Variants in RUBCNL observed in about 807,000 individuals in gnomAD.
RUBCNL encodes protein associated with UVRAG as autophagy enhancer.
RUBCNL carries 62 observed loss-of-function variants against 69.5 expected under a neutral mutation model. The observed-to-expected ratio is 0.89, with a 90% CI of 0.73 to 1.10. The LOEUF is 1.10. RUBCNL is among the 50% of genes least tolerant of loss of function. RUBCNL has a pLI of 0.00. For synonymous variants in RUBCNL, 291 were observed against 303.6 expected, an observed-to-expected ratio of 0.96 and a Z score of 0.43; for missense variants, 768 against 798.1, an observed-to-expected ratio of 0.96 and a Z score of 0.45.
rs1566533019 is a variant in RUBCNL at position 46,335,264 on chromosome 13, T to TG, written c.*8120_*8121insC. ...CTTTTTGTTGTTGTTGTTGTTGTTT[T>TG]TTTTTTTTTTTTTTTTTTTTTAAGA... is the stretch of plus-strand genomic sequence containing the variant. On this transcript the variant is annotated 3_prime_UTR_variant, in exon 15 of 15. Transcript: ENST00000429979. Among the ~76,000 whole-genome samples, 257 of 136,968 alleles carry TG rather than the reference T, an allele frequency of 1.9e-3. 1 individual carries two copies. The highest frequency in any genetic ancestry group is 3.3e-3 in the South Asian group (14 of 4,232). The allele number at this position is 136,968 out of a possible 152,430, so 89.9% of individuals were successfully genotyped here.
At chr13:46,354,956 A>G (rs1246191677) in intron 10 of RUBCNL, 2 of 403,806 alleles carry the variant, frequency 5.0e-6, no homozygotes, top group Admixed American at 2.8e-5. Context: ...GCCAGGATAC[A>G]GTGGTTAACC....
intron 2 of RUBCNL, among the ~76,000 whole-genome samples, chr13:46,376,806 C>A (rs889176975): frequency 6.6e-6 from 1 of 152,220 alleles, no homozygotes; most frequent in Non-Finnish European, 1.5e-5. Context: ...TTTGTATACA[C>A]ATCCATGGGA....
intron 5 of RUBCNL, 42 bp downstream of exon 5, chr13:46,368,000 G>T: frequency 6.3e-7 from 1 of 1,575,102 alleles, no homozygotes; most frequent in South Asian, 1.1e-5. Context: ...AGATATATGT[G>T]AAACACATAA....
rs1317286474 is a variant in RUBCNL, at chr13:46,339,817, C to G, written c.*3568G>C. Among the ~76,000 whole-genome samples the G allele has an allele frequency of 6.6e-6, 1 of 152,074 alleles. No individual in the cohort carries two copies. Among genetic ancestry groups the G allele is most frequent in the African/African-American group, 2.4e-5 (1 of 41,404 alleles). ...GAGGTTGAAGTGAGCTGAGATCGCA[C>G]CACTGCACTATAGCCTGGGTGACAG... On this transcript the variant is annotated 3_prime_UTR_variant, in exon 15 of 15. Transcript: ENST00000429979.
At chr13:46,387,319 C>A (rs1274582764), upstream of RUBCNL, 3 of 985,544 alleles carry the variant, frequency 3.0e-6, no homozygotes, top group Non-Finnish European at 3.6e-6. Flanking sequence ...GCCTCCCACA[C>A]GGGGGCCACC....
rs548743154 is a variant in RUBCNL at position 46,335,070 on chromosome 13, CT to C, written c.*8314del. 5.2e-3 allele frequency among the ~76,000 whole-genome samples: 742 copies of C among 143,734 alleles called. 1 individual carries two copies. The highest frequency in any genetic ancestry group is 7.5e-3 in the Admixed American group (108 of 14,352). The allele number at this position is 143,734 out of a possible 152,430, so 94.3% of individuals were successfully genotyped here. ...AACCTACTTGGGTAAAGAATTTGGA[CT>C]TTTTTTTTTTTGAGATGGGGTCTCA... On this transcript the variant is annotated 3_prime_UTR_variant, in exon 15 of 15. Coordinates refer to ENST00000429979, the MANE Select transcript of RUBCNL (RefSeq NM_025113.5).
At chr13:46,356,892 C>CTT (rs767789330) in intron 9 of RUBCNL, among the ~76,000 whole-genome samples, 7 of 135,052 alleles carry the variant, frequency 5.2e-5, no homozygotes, top group African/African-American at 1.6e-4. Context: ...GCTTTATTTA[C>CTT]TTTTTTTTTT....
rs1423196105 is a variant in RUBCNL at position 46,350,329 on chromosome 13, G to C, written c.1353C>G (p.Tyr451Ter). Residue 451 changes from tyrosine (Y) to a stop codon, truncating the protein, a stop_gained, in exon 11 of 15, where the codon TAC (tyrosine) becomes TAG (stop). Coordinates refer to ENST00000429979, the MANE Select transcript of RUBCNL (RefSeq NM_025113.5). LOFTEE classifies it high-confidence loss of function. ...AGAAATACTTCCCTAGGTATTCGCA[G>C]TACCGGAGCCGCTTCACAAACTCTG... ...VEPKFVKRLRYCEYLGKYFCD... is the reference protein window; with the variant it reads ...VEPKFVKRLR The C allele has an allele frequency of 1.3e-6, 2 of 1,550,742 alleles. No homozygotes were observed. The highest frequency in any genetic ancestry group is 1.7e-6 in the Non-Finnish European group (2 of 1,144,090).
At chr13:46,379,725 A>AAG (rs1759336472) in intron 1 of RUBCNL, among the ~76,000 whole-genome samples, 1 of 152,242 alleles carries the variant, frequency 6.6e-6, no homozygotes, top group Admixed American at 6.5e-5. Context: ...GTTACTAAGC[A>AAG]CAGCCAGTAA....
intron 3 of RUBCNL, among the ~76,000 whole-genome samples, chr13:46,370,334 A>G (rs2048850536): frequency 6.6e-6 from 1 of 152,250 alleles, no homozygotes; most frequent in Non-Finnish European, 1.5e-5. Flanking sequence ...AAATGCTTAC[A>G]GAGGCCGATA....
upstream of RUBCNL, among the ~76,000 whole-genome samples, chr13:46,389,100 A>AT (rs2049306758): frequency 6.6e-6 from 1 of 152,198 alleles, no homozygotes; most frequent in South Asian, 2.1e-4. This position sits in a 1 kb window ranked among gnomAD's most constrained non-coding sequence, Gnocchi z 4.2. Flanking sequence ...GTGTGCTAAC[A>AT]TTTTTTGAGT....
chr13:46,381,833 C>T (rs1306310385), intron 1 of RUBCNL, among the ~76,000 whole-genome samples: 2 of 152,136 alleles, frequency 1.3e-5, no homozygotes, highest in East Asian at 1.9e-4. Flanking sequence ...CTGCCCGCCT[C>T]GGCCTCTGTT....
chr13:46,371,652 T>C (rs753824878), intron 3 of RUBCNL, among the ~76,000 whole-genome samples: 6 of 152,210 alleles, frequency 3.9e-5, no homozygotes, highest in Non-Finnish European at 7.3e-5. Context: ...CTCTCCCCTG[T>C]AGACAATTTA....
At chr13:46,379,074 G>A (rs757247156) in intron 1 of RUBCNL, among the ~76,000 whole-genome samples, 2 of 151,990 alleles carry the variant, frequency 1.3e-5, no homozygotes, top group Admixed American at 6.6e-5. Flanking sequence ...TTAAATCTAT[G>A]AGGGCCCTTT....
At chr13:46,356,745 G>T (rs2048494256) in intron 9 of RUBCNL, among the ~76,000 whole-genome samples, 1 of 151,468 alleles carries the variant, frequency 6.6e-6, no homozygotes, top group Admixed American at 6.6e-5. Flanking sequence ...GCTCTGTCAC[G>T]CAGGCTGGAG....
chr13:46,359,626 T>C lies in RUBCNL; in HGVS notation c.1125A>G (p.Val375=). 6.3e-7 allele frequency: 1 copy of C among 1,587,204 alleles called. No homozygotes were observed. Among genetic ancestry groups the C allele is most frequent in the Non-Finnish European group, 8.6e-7 (1 of 1,165,462 alleles). ...AGTCTTTTCGGACACACTCTTCATT[T>C]ACGACCTGCATAAGACATAAAATGA... ...GSLSAAGSIV[V]NEECVRKDFE... Residue 375 remains valine (V), a synonymous_variant, in exon 9 of 15, where the codon GTA becomes GTG. Transcript: ENST00000429979.
chr13:46,354,576 C>T (rs1241462745), intron 10 of RUBCNL, among the ~76,000 whole-genome samples: 1 of 152,212 alleles, frequency 6.6e-6, no homozygotes, highest in African/African-American at 2.4e-5. Flanking sequence ...TCTGGCCACA[C>T]AGGGTTTCTT....
chr13:46,357,781 C>T (rs2138729728), intron 9 of RUBCNL, among the ~76,000 whole-genome samples: 1 of 152,042 alleles, frequency 6.6e-6, no homozygotes, highest in Non-Finnish European at 1.5e-5. Context: ...AGGCATGCAC[C>T]ACCATGCCCG....
Position 46,335,827 on chromosome 13 carries a change from G to C in RUBCNL, c.*7558C>G, listed in dbSNP as rs2048101939. 6.6e-6 allele frequency among the ~76,000 whole-genome samples: 1 copy of C among 152,198 alleles called. No homozygotes were observed. Reference sequence around the variant, plus strand: ...TATGGTGGTGCCATTTTCTGAGATGGAAAAGCCTGTAAAGAAATACTAATA... The same window carrying C: ...TATGGTGGTGCCATTTTCTGAGATGCAAAAGCCTGTAAAGAAATACTAATA... On this transcript the variant is annotated 3_prime_UTR_variant, in exon 15 of 15. Transcript: ENST00000429979.
Sources: gnomAD v4.1 joint callset for allele counts (sites outside exome capture counted in the v4.1 genomes callset) on GRCh38, gnomAD v4.1.1 for gene constraint, Gnocchi (gnomAD v3.1) non-coding constraint, MANE v1.5 for transcripts, NCBI Gene and HGNC (gene_info 2026-07-23, HGNC 2026-07-21) for gene names.